The following STARD13 variants were observed in gnomAD, a reference collection of about 807,000 sequenced individuals.
The protein encoded by STARD13 is StAR related lipid transfer domain containing 13.
STARD13 carries 62 observed loss-of-function variants against 106.4 expected under a neutral mutation model. That is an observed-to-expected ratio of 0.58 (90% CI 0.48 to 0.72). STARD13 has a LOEUF of 0.72. Ranked by LOEUF, STARD13 falls within the 30% of genes least tolerant of loss-of-function variation. The pLI is 0.00. For synonymous variants in STARD13, 565 were observed against 553.0 expected (o/e 1.02, Z -0.31); for missense variants, 1,387 against 1,424.0 (o/e 0.97, Z 0.42).
chr13:33,607,410 G>C, the STARD13 span, among the ~76,000 whole-genome samples: 234 of 151,264 alleles, frequency 1.5e-3, no homozygotes, highest in African/African-American at 5.4e-3. Flanking sequence ...TGATTCTCCT[G>C]CCTCAGCCTC....
intron 3 of STARD13, among the ~76,000 whole-genome samples, chr13:33,150,526 G>A (rs1881136572): frequency 6.6e-6 from 1 of 152,212 alleles, no homozygotes; most frequent in Admixed American, 6.5e-5. Flanking sequence ...GTCTACTTAA[G>A]AAAAATTTTA....
chr13:33,555,429 G>C, the STARD13 span, among the ~76,000 whole-genome samples: 5 of 152,206 alleles, frequency 3.3e-5, no homozygotes, highest in Non-Finnish European at 7.3e-5. Flanking sequence ...GGAAAGAAGA[G>C]AATGGCCTTA....
the STARD13 span, among the ~76,000 whole-genome samples, chr13:33,622,035 C>T: frequency 6.6e-6 from 1 of 151,858 alleles, no homozygotes; most frequent in Non-Finnish European, 1.5e-5. Flanking sequence ...GAACTCCTGA[C>T]CTCAGGTGAT....
the STARD13 span, among the ~76,000 whole-genome samples, chr13:33,571,197 G>C: frequency 1.1e-4 from 16 of 152,048 alleles, no homozygotes; most frequent in Non-Finnish European, 1.9e-4. Context: ...CCATCACAAC[G>C]GATTTCAATT....
At chr13:33,650,443 G>C in the STARD13 span, among the ~76,000 whole-genome samples, 1 of 151,692 alleles carries the variant, frequency 6.6e-6, no homozygotes, top group Non-Finnish European at 1.5e-5. Context: ...GCCCGCCTCG[G>C]CCTCCCAAAG....
At chr13:33,243,571 T>C (rs1261766713) in intron 1 of STARD13, among the ~76,000 whole-genome samples, 2 of 152,158 alleles carry the variant, frequency 1.3e-5, no homozygotes, top group Non-Finnish European at 2.9e-5. Flanking sequence ...ATGATACCTC[T>C]AGCAACAGTG....
At chr13:33,615,756 T>C in the STARD13 span, among the ~76,000 whole-genome samples, 2 of 152,224 alleles carry the variant, frequency 1.3e-5, no homozygotes, top group African/African-American at 4.8e-5. Flanking sequence ...TCCAGGTTCC[T>C]TTCCAATAGC....
At chr13:33,239,040 C>T (rs573405685) in intron 1 of STARD13, among the ~76,000 whole-genome samples, 1 of 151,922 alleles carries the variant, frequency 6.6e-6, no homozygotes, top group Non-Finnish European at 1.5e-5. Flanking sequence ...TTCCCCCTCC[C>T]CCCCAGCCAC....
chr13:33,221,026 G>A (rs1888327227), intron 1 of STARD13, among the ~76,000 whole-genome samples: 1 of 152,012 alleles, frequency 6.6e-6, no homozygotes, highest in African/African-American at 2.4e-5. Flanking sequence ...ATAAGCCCTG[G>A]AAGAGTATTC....
the STARD13 span, among the ~76,000 whole-genome samples, chr13:33,583,058 T>C: frequency 1.3e-5 from 2 of 152,224 alleles, no homozygotes; most frequent in African/African-American, 4.8e-5. Flanking sequence ...ACTGCATGTT[T>C]GGAAGGCTGT....
intron 1 of STARD13, among the ~76,000 whole-genome samples, chr13:33,241,926 A>G (rs1020184729): frequency 6.6e-6 from 1 of 152,118 alleles, no homozygotes; most frequent in Admixed American, 6.5e-5. Flanking sequence ...TTGGCCTCCC[A>G]AAGTGCAGAG....
intron 1 of STARD13, among the ~76,000 whole-genome samples, chr13:33,342,846 G>A (rs538569001): frequency 3.3e-4 from 51 of 152,280 alleles, no homozygotes; most frequent in East Asian, 9.7e-4. Context: ...AATTTAGTAC[G>A]TGCGTATGTA....
chr13:33,447,018 G>A, the STARD13 span, among the ~76,000 whole-genome samples: 1 of 152,056 alleles, frequency 6.6e-6, no homozygotes, highest in Non-Finnish European at 1.5e-5. Flanking sequence ...CAGGATTTGG[G>A]CCAAGTCCCA....
the STARD13 span, among the ~76,000 whole-genome samples, chr13:33,420,494 C>G: frequency 6.1e-4 from 93 of 152,268 alleles, no homozygotes; most frequent in Middle Eastern, 0.017. Flanking sequence ...GACTCCCACA[C>G]AATAATAATG....
the STARD13 span, among the ~76,000 whole-genome samples, chr13:33,630,267 G>T: frequency 2.0e-5 from 3 of 152,218 alleles, no homozygotes; most frequent in South Asian, 4.1e-4. Context: ...TTAGCCACTA[G>T]GTCCCAGCTC....
the STARD13 span, among the ~76,000 whole-genome samples, chr13:33,612,877 C>G: frequency 6.6e-6 from 1 of 152,138 alleles, no homozygotes; most frequent in Non-Finnish European, 1.5e-5. Context: ...GCTCATGTGG[C>G]CCCCCAGATA....
the STARD13 span, among the ~76,000 whole-genome samples, chr13:33,364,959 A>G: frequency 6.6e-6 from 1 of 152,214 alleles, no homozygotes; most frequent in African/African-American, 2.4e-5. Flanking sequence ...ACATGAAACC[A>G]GGAGAACAGA....
chr13:33,437,406 C>T, the STARD13 span, among the ~76,000 whole-genome samples: 3 of 152,176 alleles, frequency 2.0e-5, no homozygotes, highest in African/African-American at 7.2e-5. Context: ...ATGCCCCTGG[C>T]CGAATAAACC....
the STARD13 span, among the ~76,000 whole-genome samples, chr13:33,363,875 G>A: frequency 6.6e-6 from 1 of 152,198 alleles, no homozygotes; most frequent in Non-Finnish European, 1.5e-5. Flanking sequence ...GGGCTGCAGA[G>A]TGGGCTAGAG....
Sources: gnomAD v4.1 joint callset for allele counts (sites outside exome capture counted in the v4.1 genomes callset) on GRCh38, gnomAD v4.1.1 for gene constraint, MANE v1.5 for transcripts, NCBI Gene and HGNC (gene_info 2026-07-23, HGNC 2026-07-21) for gene names.